The following SH3D19 variants were observed in gnomAD, a reference collection of about 807,000 sequenced individuals.
The protein encoded by SH3D19 is SH3 domain containing 19, also known as SH3 domain-containing protein 19.
In SH3D19, 58 loss-of-function variants were observed where a neutral mutation model predicts 112.1. The ratio of observed to expected loss-of-function variants is 0.52; its 90% CI spans 0.42 to 0.64. SH3D19 has a LOEUF of 0.64. Ranked by LOEUF, SH3D19 falls within the 30% of genes least tolerant of loss-of-function variation. The probability of loss-of-function intolerance (pLI) is 0.00; values close to 1 mark genes in which losing one functional copy is unlikely to be tolerated. For synonymous variants in SH3D19, 391 were observed against 448.5 expected (o/e 0.87, Z 1.62); for missense variants, 1,090 against 1,263.4 (o/e 0.86, Z 2.08).
intron 17 of SH3D19, among the ~76,000 whole-genome samples, chr4:151,132,008 G>C (rs970623977): frequency 6.6e-6 from 1 of 151,822 alleles, no homozygotes; most frequent in African/African-American, 2.4e-5. Context: ...ATTTTTAGTA[G>C]AGACAGGGTT....
chr4:151,267,406 T>C (rs1404242105), intron 1 of SH3D19, among the ~76,000 whole-genome samples: 2 of 152,208 alleles, frequency 1.3e-5, no homozygotes, highest in Non-Finnish European at 2.9e-5. Context: ...CTATAAGGTT[T>C]TTCCTTACAT....
chr4:151,320,088 A>AC (rs1234576299), intron 1 of SH3D19, among the ~76,000 whole-genome samples: 12 of 152,256 alleles, frequency 7.9e-5, no homozygotes, highest in Non-Finnish European at 1.0e-4. Flanking sequence ...CACCTGGTAC[A>AC]CCGTGAACAC....
intron 1 of SH3D19, among the ~76,000 whole-genome samples, chr4:151,275,020 T>C (rs1773479090): frequency 6.6e-6 from 1 of 152,086 alleles, no homozygotes; most frequent in African/African-American, 2.4e-5. Flanking sequence ...TATAATTACC[T>C]CTTTAAAGAC....
intron 1 of SH3D19, among the ~76,000 whole-genome samples, chr4:151,264,287 C>T (rs535075535): frequency 3.3e-5 from 5 of 151,824 alleles, no homozygotes; most frequent in East Asian, 1.9e-4. Flanking sequence ...AAAAATTAGC[C>T]GGGCATGGTG....
intron 2 of SH3D19, among the ~76,000 whole-genome samples, chr4:151,211,571 G>A (rs1765975435): frequency 1.1e-5 from 1 of 95,090 alleles, no homozygotes; most frequent in Non-Finnish European, 2.7e-5. Context: ...TAGCAAATCT[G>A]TTAATTAAAA....
intron 2 of SH3D19, among the ~76,000 whole-genome samples, chr4:151,222,667 CTTTTT>C (rs1554057762): frequency 2.3e-5 from 2 of 87,252 alleles, no homozygotes; most frequent in African/African-American, 8.9e-5. Context: ...CTCTCTCTCT[CTTTTT>C]TTTTTTTTTT....
chr4:151,279,162 A>C (rs1773931464), intron 1 of SH3D19: 2 of 410,962 alleles, frequency 4.9e-6, no homozygotes, highest in Non-Finnish European at 9.5e-6. Context: ...GCCATCTACA[A>C]CACGTCTTGA....
At chr4:151,132,995 T>C in intron 16 of SH3D19, 39 bp downstream of exon 16, 1 of 1,508,444 alleles carries the variant, frequency 6.6e-7, no homozygotes, top group Non-Finnish European at 9.1e-7. Flanking sequence ...TTTATTTGAA[T>C]TAGGACATAA....
chr4:151,138,103 A>G (rs551248807), intron 13 of SH3D19, among the ~76,000 whole-genome samples: 1 of 152,198 alleles, frequency 6.6e-6, no homozygotes, highest in Non-Finnish European at 1.5e-5. Flanking sequence ...GAAATGGTTG[A>G]AAAAAACACT....
chr4:151,209,281 ATT>A (rs112135341), intron 2 of SH3D19, among the ~76,000 whole-genome samples: 10 of 143,180 alleles, frequency 7.0e-5, no homozygotes, highest in Admixed American at 1.4e-4. Flanking sequence ...TCGAAAAAGT[ATT>A]TTTTTTTTTT....
chr4:151,250,441 T>G (rs1318663449), intron 1 of SH3D19, among the ~76,000 whole-genome samples: 1 of 152,096 alleles, frequency 6.6e-6, no homozygotes, highest in Non-Finnish European at 1.5e-5. Flanking sequence ...TATGTGTGTG[T>G]ATATATATTA....
intron 12 of SH3D19, among the ~76,000 whole-genome samples, chr4:151,141,495 A>AT (rs1459856955): frequency 1.3e-5 from 2 of 152,124 alleles, no homozygotes; most frequent in East Asian, 3.9e-4. Context: ...AAAATAAAAA[A>AT]TTAGCCTGGC....
chr4:151,294,464 T>C (rs190178008), intron 1 of SH3D19, among the ~76,000 whole-genome samples: 2 of 152,332 alleles, frequency 1.3e-5, no homozygotes, highest in Non-Finnish European at 1.5e-5. Flanking sequence ...TAAGACATGA[T>C]CTCACTATCT....
At position 151,174,999 on chromosome 4, in the gene SH3D19, C is replaced by G. The variant is rs767995804; in HGVS notation, c.1205G>C (p.Arg402Thr). Reference sequence around the variant, plus strand: ...ATCAGAGCTCTCAGCCAGGGGCCCTCTTCCCGGAATCTCAGGATTAACACT... The same window carrying G: ...ATCAGAGCTCTCAGCCAGGGGCCCTGTTCCCGGAATCTCAGGATTAACACT... The part of the protein sequence containing the change: ...IRSVNPEIPG[R>T]GPLAESSDSG... The change falls in exon 7 of 20, where the codon AGA (arginine) becomes ACA (threonine). Residue 402 changes from arginine (R) to threonine (T), a missense_variant. By Grantham distance (71) the Arg-to-Thr change is moderately conservative. Transcript: ENST00000604030. 246 of 1,614,108 alleles carry G rather than the reference C, an allele frequency of 1.5e-4. No homozygotes were observed. The highest frequency in any genetic ancestry group is 2.1e-4 in the Non-Finnish European group (243 of 1,180,052).
chr4:151,282,352 G>C, intron 1 of SH3D19: 2 of 1,613,888 alleles, frequency 1.2e-6, no homozygotes, highest in Non-Finnish European at 1.7e-6. Context: ...GTGTCACAAA[G>C]CAGTTGGCAA....
At chr4:151,198,180 C>T (rs1467083957) in intron 2 of SH3D19, among the ~76,000 whole-genome samples, 1 of 151,216 alleles carries the variant, frequency 6.6e-6, no homozygotes, top group African/African-American at 2.4e-5. Context: ...TGGCACATGC[C>T]TGTAGTCCCA....
intron 1 of SH3D19, among the ~76,000 whole-genome samples, chr4:151,239,526 A>G (rs182874033): frequency 6.6e-6 from 1 of 152,324 alleles, no homozygotes; most frequent in East Asian, 1.9e-4. Flanking sequence ...CTACTTCAGA[A>G]TTGCAGAATT....
intron 3 of SH3D19, among the ~76,000 whole-genome samples, chr4:151,180,630 T>TGATTTGTG (rs1760748168): frequency 1.3e-5 from 2 of 151,836 alleles, no homozygotes; most frequent in Non-Finnish European, 2.9e-5. Flanking sequence ...ATGGTCTCGA[T>TGATTTGTG]CTCCCGACCT....
At chr4:151,287,007 A>AATG (rs1294865381) in intron 1 of SH3D19, among the ~76,000 whole-genome samples, 1 of 149,018 alleles carries the variant, frequency 6.7e-6, no homozygotes, top group East Asian at 2.0e-4. Flanking sequence ...TAATAATAAT[A>AATG]ATAGTAATTA....
Sources: allele counts gnomAD v4.1 joint callset (sites outside exome capture counted in the v4.1 genomes callset), GRCh38; gene constraint gnomAD v4.1.1; transcripts MANE v1.5; gene names NCBI Gene and HGNC (gene_info 2026-07-23, HGNC 2026-07-21).